The following FRY variants were observed in gnomAD, a reference collection of about 807,000 sequenced individuals.
FRY encodes the protein protein furry homolog.
Under a neutral mutation model 348.4 loss-of-function variants are expected in FRY, and 128 were observed. The ratio of observed to expected loss-of-function variants is 0.37; its 90% CI spans 0.32 to 0.43. The LOEUF (loss-of-function observed/expected upper bound fraction) is 0.43. Ranked by LOEUF, FRY falls within the 20% of genes least tolerant of loss-of-function variation. The pLI, the probability that FRY is intolerant of heterozygous loss-of-function variation, is 1.00. For missense variants in FRY, 2,736 were observed against 3,695.2 expected, an observed-to-expected ratio of 0.74 and a Z score of 6.73; for synonymous variants, 1,370 against 1,374.7, an observed-to-expected ratio of 1.00 and a Z score of 0.08.
chr13:32,031,937 T>C lies in FRY; in HGVS notation c.70+72T>C, dbSNP rs956220594. 13 of 827,904 alleles carry C rather than the reference T, an allele frequency of 1.6e-5. No individual in the cohort carries two copies. In the African/African-American group the frequency reaches 2.2e-4, roughly 14 times the overall value. 51.3% of individuals were successfully genotyped at this position (827,904 alleles called of 1,614,324 possible). On this transcript the variant is annotated intron_variant, in intron 1 of 60. Transcript: ENST00000542859. ...TGCATAAGGCTGGAGACAGAAAATC[T>C]CAACTGGACACATATGTTTGTGAGC...
chr13:32,097,157 T>A (rs1363567639), intron 2 of FRY, among the ~76,000 whole-genome samples: 1 of 152,118 alleles, frequency 6.6e-6, no homozygotes, highest in Admixed American at 6.5e-5. Flanking sequence ...TGTGGCAGGA[T>A]CTTCTTTTAG....
rs1882928549 is a variant in FRY at position 32,184,795 on chromosome 13, C to A, written c.3146+104C>A. The A allele has an allele frequency of 1.5e-5, 15 of 976,352 alleles. No homozygotes were observed. The South Asian group carries it at 1.8e-4, about 12-fold the overall frequency. The allele number at this position is 976,352 out of a possible 1,614,324, so 60.5% of individuals were successfully genotyped here. The stretch of plus-strand genomic sequence containing the variant: ...CTTTTCTTTGTTTTTAAATATAATA[C>A]CCTTAACTTAGAAAAATCCAAAAAC... On this transcript the variant is annotated intron_variant, in intron 25 of 60. Transcript: ENST00000542859.
At chr13:32,280,593 C>T (rs1295029331) in intron 58 of FRY, among the ~76,000 whole-genome samples, 1 of 152,168 alleles carries the variant, frequency 6.6e-6, no homozygotes, top group Non-Finnish European at 1.5e-5. Flanking sequence ...TTAGGATTTA[C>T]ATTGAGCACA....
chr13:32,218,793 A>T lies in FRY; in HGVS notation c.4727A>T (p.Tyr1576Phe), dbSNP rs1885147955. Residue 1576 changes from tyrosine (Y) to phenylalanine (F), a missense_variant, in exon 36 of 61, where the codon TAC (tyrosine) becomes TTC (phenylalanine). Tyr to Phe is a conservative substitution (Grantham distance 22). Coordinates refer to ENST00000542859, the MANE Select transcript of FRY (RefSeq NM_023037.3). ...IRAHTRLESR[Y>F]SNSSGGSYDE... Reference sequence around the variant, plus strand: ...GCCCACACTCGCCTCGAGTCAAGATACAGCAATAGCTCTGGAGGATCCTAC... The same window carrying T: ...GCCCACACTCGCCTCGAGTCAAGATTCAGCAATAGCTCTGGAGGATCCTAC... 1 of 1,607,498 alleles carries T rather than the reference A, an allele frequency of 6.2e-7. No homozygotes were observed. Among genetic ancestry groups the T allele is most frequent in the African/African-American group, 1.3e-5 (1 of 74,760 alleles).
At chr13:32,099,211 C>T (rs1876983269) in intron 2 of FRY, among the ~76,000 whole-genome samples, 1 of 151,756 alleles carries the variant, frequency 6.6e-6, no homozygotes, top group Non-Finnish European at 1.5e-5. Flanking sequence ...GTTTCTAATC[C>T]TCAACCAAAT....
intron 14 of FRY, among the ~76,000 whole-genome samples, chr13:32,150,376 TA>T (rs1324614689): frequency 6.6e-6 from 1 of 152,170 alleles, no homozygotes; most frequent in Non-Finnish European, 1.5e-5. Context: ...ACAGCACATA[TA>T]ATTTTAAACT....
chr13:32,234,476 C>G (rs1335927732), intron 41 of FRY, 98 bp from the exon 42 acceptor site: 1 of 1,010,462 alleles, frequency 9.9e-7, no homozygotes, highest in East Asian at 2.4e-5. Context: ...TACAAGGTAG[C>G]CCTGTGCCGT....
chr13:32,216,611 T>A (rs1319958861), intron 35 of FRY, among the ~76,000 whole-genome samples: 1 of 152,234 alleles, frequency 6.6e-6, no homozygotes, highest in Non-Finnish European at 1.5e-5. Context: ...TGCCATTTTT[T>A]CATCACCCTG....
chr13:32,134,887 CT>C lies in FRY; in HGVS notation c.886-12del. 6.5e-7 allele frequency: 1 copy of C among 1,529,158 alleles called. No individual in the cohort carries two copies. Among genetic ancestry groups the C allele is most frequent in the Non-Finnish European group, 9.1e-7 (1 of 1,102,570 alleles). The allele number at this position is 1,529,158 out of a possible 1,614,324, so 94.7% of individuals were successfully genotyped here. A position where few individuals can be genotyped will look rare whatever the true frequency, so the allele number is the denominator to read the frequency against. On this transcript the variant is annotated splice_polypyrimidine_tract_variant and intron_variant, in intron 8 of 60. Transcript: ENST00000542859. The stretch of plus-strand genomic sequence containing the variant: ...TCAACCTACTCTCCCTCCCTATACT[CT>C]TTTTCTGCTTCCCAGGAATGTGCAC...
intron 11 of FRY, among the ~76,000 whole-genome samples, chr13:32,139,344 C>A (rs1879913398): frequency 6.6e-6 from 1 of 152,204 alleles, no homozygotes; most frequent in Non-Finnish European, 1.5e-5. Flanking sequence ...CTGCACCCTT[C>A]CCTGCCTTCC....
chr13:32,143,616 A>G (rs900252110), intron 11 of FRY, among the ~76,000 whole-genome samples: 3 of 152,348 alleles, frequency 2.0e-5, no homozygotes, highest in African/African-American at 7.2e-5. Context: ...CCTCATCATG[A>G]TACACAATGA....
At chr13:32,279,874 AG>A (rs1426178385) in intron 58 of FRY, among the ~76,000 whole-genome samples, 1 of 152,198 alleles carries the variant, frequency 6.6e-6, no homozygotes, top group Non-Finnish European at 1.5e-5. Context: ...TGTCCATGCC[AG>A]CATTGATTGA....
At chr13:32,219,664 C>T (rs1435453102) in intron 36 of FRY, among the ~76,000 whole-genome samples, 1 of 151,830 alleles carries the variant, frequency 6.6e-6, no homozygotes, top group Non-Finnish European at 1.5e-5. Flanking sequence ...GAGGCTGAGG[C>T]AGGAGAATGG....
intron 56 of FRY, among the ~76,000 whole-genome samples, chr13:32,275,315 G>C (rs747184003): frequency 6.6e-6 from 1 of 151,232 alleles, no homozygotes; most frequent in Non-Finnish European, 1.5e-5. Flanking sequence ...ATGACCCCGG[G>C]GGGCAGAGCT....
chr13:32,044,064 AC>A (rs1210105638), intron 1 of FRY, among the ~76,000 whole-genome samples: 2 of 152,100 alleles, frequency 1.3e-5, no homozygotes, highest in East Asian at 3.9e-4. Flanking sequence ...TTAAAATAAG[AC>A]CAAAAAAAGA....
At chr13:32,104,111 GA>G (rs1284697411) in intron 3 of FRY, among the ~76,000 whole-genome samples, 1 of 152,002 alleles carries the variant, frequency 6.6e-6, no homozygotes, top group Non-Finnish European at 1.5e-5. Flanking sequence ...TATCCTCTGA[GA>G]AAATCGTTCT....
chr13:32,148,053 G>A (rs745394667), intron 13 of FRY, 106 bp downstream of exon 13: 41 of 756,260 alleles, frequency 5.4e-5, no homozygotes, highest in South Asian at 9.8e-5. Context: ...AGCATCTTAC[G>A]TGTTTAGACT....
chr13:32,184,815 A>G (rs539310380), intron 25 of FRY, 124 bp downstream of exon 25: 3 of 997,208 alleles, frequency 3.0e-6, no homozygotes, highest in Non-Finnish European at 4.7e-6. Context: ...AGAAAAATCC[A>G]AAAACTCGCT....
intron 58 of FRY, among the ~76,000 whole-genome samples, chr13:32,281,948 G>T (rs1308866862): frequency 2.0e-5 from 3 of 152,162 alleles, no homozygotes; most frequent in Non-Finnish European, 4.4e-5. Flanking sequence ...GCATGGCTAG[G>T]CACCATGCAG....
Sources: gnomAD v4.1 joint callset for allele counts (sites outside exome capture counted in the v4.1 genomes callset) on GRCh38, gnomAD v4.1.1 for gene constraint, MANE v1.5 for transcripts, NCBI Gene and HGNC (gene_info 2026-07-23, HGNC 2026-07-21) for gene names.